Variants in BAZ2B observed in about 807,000 individuals in gnomAD.
BAZ2B encodes the protein bromodomain adjacent to zinc finger domain 2B.
BAZ2B carries 91 observed loss-of-function variants against 246.0 expected under a neutral mutation model. The ratio of observed to expected loss-of-function variants is 0.37; its 90% CI spans 0.31 to 0.44. The LOEUF is 0.44. BAZ2B is among the 20% of genes least tolerant of loss of function. The pLI is 1.00. For missense variants in BAZ2B, 2,332 were observed against 2,533.7 expected (o/e 0.92, Z 1.71); for synonymous variants, 855 against 860.0 (o/e 0.99, Z 0.10).
chr2:159,374,838 G>A, intron 25 of BAZ2B, 85 bp from the exon 26 acceptor site: 3 of 1,183,468 alleles, frequency 2.5e-6, no homozygotes, highest in South Asian at 2.5e-5. Context: ...GTCTCCTATA[G>A]GCACTGCGGA....
chr2:159,649,028 G>A, the BAZ2B span, among the ~76,000 whole-genome samples: 1 of 152,108 alleles, frequency 6.6e-6, no homozygotes, highest in Non-Finnish European at 1.5e-5. Flanking sequence ...TAGGTGTGTG[G>A]TGTTATCTGG....
Position 159,385,377 on chromosome 2 carries a change from AG to A in BAZ2B, c.3472-9del. ...TCCAAGAGCTGTTTTAGCCTATAAA[AG>A]TTTGGCATTTTTATCAGTATTACTC... is the stretch of plus-strand genomic sequence containing the variant. On this transcript the variant is annotated splice_polypyrimidine_tract_variant and intron_variant, in intron 22 of 36. Coordinates refer to ENST00000392783, the MANE Select transcript of BAZ2B (RefSeq NM_013450.4). The A allele has an allele frequency of 6.2e-7, 1 of 1,609,460 alleles. No homozygotes were observed. The highest frequency in any genetic ancestry group is 8.5e-7 in the Non-Finnish European group (1 of 1,177,658).
chr2:159,504,784 TA>T (rs1190326174), intron 2 of BAZ2B, among the ~76,000 whole-genome samples: 1 of 152,208 alleles, frequency 6.6e-6, no homozygotes, highest in African/African-American at 2.4e-5. Context: ...GCTTAAACCG[TA>T]AGATAATTTT....
intron 2 of BAZ2B, among the ~76,000 whole-genome samples, chr2:159,495,379 G>A (rs956065448): frequency 2.7e-5 from 4 of 148,458 alleles, no homozygotes; most frequent in African/African-American, 9.9e-5. Context: ...CAGCTACTTG[G>A]GAGGCTGAGG....
At chr2:159,466,972 G>A (rs958782918) in intron 3 of BAZ2B, among the ~76,000 whole-genome samples, 4 of 152,180 alleles carry the variant, frequency 2.6e-5, no homozygotes, top group Non-Finnish European at 5.9e-5. Flanking sequence ...CCACGAGCCA[G>A]TCAAGGGGAC....
chr2:159,430,469 G>A (rs1458134205), intron 10 of BAZ2B, among the ~76,000 whole-genome samples: 1 of 152,194 alleles, frequency 6.6e-6, no homozygotes, highest in African/African-American at 2.4e-5. Context: ...TAACAGTTAA[G>A]TTTTTGAGGA....
intron 2 of BAZ2B, among the ~76,000 whole-genome samples, chr2:159,536,562 C>T (rs889175917): frequency 6.6e-6 from 1 of 152,102 alleles, no homozygotes; most frequent in Non-Finnish European, 1.5e-5. Context: ...GAGATAGCTA[C>T]CACGATGGTT....
intron 2 of BAZ2B, among the ~76,000 whole-genome samples, chr2:159,538,992 A>G (rs2086334020): frequency 6.6e-6 from 1 of 152,228 alleles, no homozygotes; most frequent in Admixed American, 6.5e-5. Flanking sequence ...CTGTTTTTAC[A>G]TATTTTTTGC....
intron 10 of BAZ2B, among the ~76,000 whole-genome samples, chr2:159,430,470 T>C (rs2070878629): frequency 6.6e-6 from 1 of 152,234 alleles, no homozygotes; most frequent in African/African-American, 2.4e-5. Context: ...AACAGTTAAG[T>C]TTTTGAGGAG....
chr2:159,440,711 A>G (rs1387919755), intron 6 of BAZ2B, among the ~76,000 whole-genome samples: 1 of 151,896 alleles, frequency 6.6e-6, no homozygotes, highest in African/African-American at 2.4e-5. Flanking sequence ...GGGTTTCCCC[A>G]TCTTGGCCAG....
chr2:159,502,431 C>G (rs191679988), intron 2 of BAZ2B, among the ~76,000 whole-genome samples: 9 of 150,852 alleles, frequency 6.0e-5, no homozygotes, highest in African/African-American at 1.7e-4. Flanking sequence ...TCAAGACCAG[C>G]CTGGGCAACA....
At chr2:159,425,480 C>T (rs2150102950) in intron 13 of BAZ2B, among the ~76,000 whole-genome samples, 1 of 152,322 alleles carries the variant, frequency 6.6e-6, no homozygotes, top group South Asian at 2.1e-4. Context: ...AATGCCCGGC[C>T]TGTTTTTCAC....
At chr2:159,516,007 T>C (rs926768393) in intron 2 of BAZ2B, among the ~76,000 whole-genome samples, 1 of 152,100 alleles carries the variant, frequency 6.6e-6, no homozygotes, top group Admixed American at 6.6e-5. Flanking sequence ...ATCATTTCAA[T>C]GTCTTTATTT....
chr2:159,495,212 G>A (rs576759446), intron 2 of BAZ2B, among the ~76,000 whole-genome samples: 94 of 152,108 alleles, frequency 6.2e-4, no homozygotes, highest in South Asian at 1.5e-3. Context: ...AAGGCCGGGC[G>A]CGGTGGCTCA....
intron 33 of BAZ2B, among the ~76,000 whole-genome samples, chr2:159,333,763 G>C (rs17604990): frequency 6.6e-6 from 1 of 152,024 alleles, no homozygotes; most frequent in East Asian, 1.9e-4. Flanking sequence ...GTCTAAAATG[G>C]TCTTCTTATA....
chr2:159,512,155 A>T (rs926967272), intron 2 of BAZ2B, among the ~76,000 whole-genome samples: 51 of 152,070 alleles, frequency 3.4e-4, no homozygotes, highest in African/African-American at 1.0e-3. Flanking sequence ...CCAGGTTTTT[A>T]AAAAAACTGG....
chr2:159,546,729 A>T (rs978773371), intron 2 of BAZ2B, among the ~76,000 whole-genome samples: 4 of 151,954 alleles, frequency 2.6e-5, no homozygotes, highest in Admixed American at 6.6e-5. Flanking sequence ...GAATATGCTC[A>T]TACTGATTTA....
At chr2:159,508,834 A>G (rs1004607266) in intron 2 of BAZ2B, among the ~76,000 whole-genome samples, 4 of 152,126 alleles carry the variant, frequency 2.6e-5, no homozygotes, top group Non-Finnish European at 5.9e-5. Flanking sequence ...TTATTTCCTT[A>G]TTGAATCCAC....
At chr2:159,397,493 TTGAACCATA>T in intron 18 of BAZ2B, 104 bp from the exon 19 acceptor site, 1 of 656,576 alleles carries the variant, frequency 1.5e-6, no homozygotes, top group Non-Finnish European at 2.4e-6. Context: ...TTTCATTAGG[TTGAACCATA>T]TGAAATGGCC....
Sources: gnomAD v4.1 joint callset for allele counts (sites outside exome capture counted in the v4.1 genomes callset) on GRCh38, gnomAD v4.1.1 for gene constraint, MANE v1.5 for transcripts, NCBI Gene and HGNC (gene_info 2026-07-23, HGNC 2026-07-21) for gene names.